HPSE2: variants seen among roughly 807,000 people sequenced by gnomAD.
HPSE2 encodes inactive heparanase-2.
In HPSE2, 38 loss-of-function variants were observed where a neutral mutation model predicts 60.5. The ratio of observed to expected loss-of-function variants is 0.63; its 90% CI spans 0.48 to 0.82. The LOEUF is 0.82. Ranked by LOEUF, HPSE2 falls within the 40% of genes least tolerant of loss-of-function variation. The pLI, the probability that HPSE2 is intolerant of heterozygous loss-of-function variation, is 0.00. For synonymous variants in HPSE2, 295 were observed against 293.2 expected (o/e 1.01, Z -0.06); for missense variants, 713 against 740.4 (o/e 0.96, Z 0.43).
chr10:98,752,544 A>G (rs1949782928), intron 3 of HPSE2, among the ~76,000 whole-genome samples: 1 of 152,200 alleles, frequency 6.6e-6, no homozygotes, highest in African/African-American at 2.4e-5. Flanking sequence ...AACTGTAAAT[A>G]ATTTGGCTGG....
At chr10:98,814,678 T>C (rs1020959461) in intron 3 of HPSE2, among the ~76,000 whole-genome samples, 1 of 152,234 alleles carries the variant, frequency 6.6e-6, no homozygotes, top group African/African-American at 2.4e-5. Context: ...ATGCTTGTTA[T>C]TTGGGCAACT....
the HPSE2 span, among the ~76,000 whole-genome samples, chr10:99,287,620 G>A: frequency 1.3e-5 from 2 of 152,110 alleles, no homozygotes; most frequent in South Asian, 4.1e-4. Flanking sequence ...CTCTTAAATG[G>A]AGATCTGAGC....
At chr10:98,833,853 G>A (rs1454397214) in intron 3 of HPSE2, among the ~76,000 whole-genome samples, 1 of 152,038 alleles carries the variant, frequency 6.6e-6, no homozygotes, top group Non-Finnish European at 1.5e-5. Flanking sequence ...TTGTAACCCT[G>A]CCAAAAATGA....
At chr10:99,133,040 G>A (rs755567515) in intron 3 of HPSE2, among the ~76,000 whole-genome samples, 4 of 152,200 alleles carry the variant, frequency 2.6e-5, no homozygotes, top group Non-Finnish European at 5.9e-5. Context: ...GACCTGGGAT[G>A]CATGAGCTTG....
chr10:98,611,301 C>T (rs1945751871), intron 9 of HPSE2, among the ~76,000 whole-genome samples: 1 of 152,108 alleles, frequency 6.6e-6, no homozygotes, highest in Admixed American at 6.5e-5. Flanking sequence ...TCTCTCTTAC[C>T]TTAGATTGGG....
intron 10 of HPSE2, 69 bp from the exon 11 acceptor site, chr10:98,482,851 T>G: frequency 6.6e-7 from 1 of 1,523,588 alleles, no homozygotes; most frequent in East Asian, 2.3e-5. Context: ...TCTAAATAAT[T>G]TATAGACTGT....
intron 3 of HPSE2, among the ~76,000 whole-genome samples, chr10:98,759,017 A>G (rs2134380145): frequency 6.6e-6 from 1 of 152,296 alleles, no homozygotes; most frequent in Non-Finnish European, 1.5e-5. Flanking sequence ...AAAAAGAATG[A>G]GCTCATGTCC....
At chr10:99,120,326 A>G (rs576898346) in intron 3 of HPSE2, among the ~76,000 whole-genome samples, 1 of 152,340 alleles carries the variant, frequency 6.6e-6, no homozygotes, top group Admixed American at 6.5e-5. Flanking sequence ...CAATAATCCT[A>G]TGAAAAAAAG....
intron 3 of HPSE2, among the ~76,000 whole-genome samples, chr10:98,862,378 T>C (rs946978228): frequency 1.3e-5 from 2 of 152,202 alleles, no homozygotes; most frequent in East Asian, 1.9e-4. Context: ...GAAAATTTCA[T>C]TTGAAGTCCT....
intron 3 of HPSE2, among the ~76,000 whole-genome samples, chr10:99,142,917 T>C (rs1845912065): frequency 6.6e-6 from 1 of 151,946 alleles, no homozygotes; most frequent in Admixed American, 6.6e-5. Context: ...ATAAAAATAT[T>C]TCATTTCCAC....
intron 3 of HPSE2, among the ~76,000 whole-genome samples, chr10:99,109,049 G>C (rs1844358202): frequency 6.6e-6 from 1 of 152,102 alleles, no homozygotes; most frequent in Admixed American, 6.6e-5. Flanking sequence ...TGTACTTATG[G>C]CAACCATTTT....
At chr10:98,897,275 C>A (rs1349211431) in intron 3 of HPSE2, among the ~76,000 whole-genome samples, 3 of 152,092 alleles carry the variant, frequency 2.0e-5, no homozygotes, top group African/African-American at 7.2e-5. Flanking sequence ...TCTCAGAAAT[C>A]TCCACTAAAG....
intron 3 of HPSE2, among the ~76,000 whole-genome samples, chr10:99,110,449 AC>A (rs569255467): frequency 1.6e-3 from 245 of 152,308 alleles, no homozygotes; most frequent in Non-Finnish European, 3.2e-3. Flanking sequence ...ACAGATTATG[AC>A]TTGAATGCAC....
intron 9 of HPSE2, among the ~76,000 whole-genome samples, chr10:98,565,012 T>C (rs1029548440): frequency 2.0e-5 from 3 of 152,138 alleles, no homozygotes; most frequent in Non-Finnish European, 4.4e-5. Flanking sequence ...GTCCACATTA[T>C]ATTACTTGGT....
intron 9 of HPSE2, among the ~76,000 whole-genome samples, chr10:98,509,130 A>G (rs1942300215): frequency 6.6e-6 from 1 of 152,114 alleles, no homozygotes; most frequent in South Asian, 2.1e-4. Flanking sequence ...TCTGGCCAAC[A>G]GGGTGAAACA....
At chr10:99,263,216 G>A in the HPSE2 span, among the ~76,000 whole-genome samples, 7 of 151,972 alleles carry the variant, frequency 4.6e-5, no homozygotes, top group South Asian at 2.1e-4. Flanking sequence ...AGGCCTAATC[G>A]CCACTCACCA....
rs73330070 is a variant in HPSE2, at chr10:98,841,250, C to T, written c.611-97194G>A. ...CCAGCCTGGGCGGCAGAGCAAGAGA[C>T]GCTGTCTCAACAACAAAAACAACTA... On this transcript the variant is annotated intron_variant, in intron 3 of 11. Transcript: ENST00000370552. Among the ~76,000 whole-genome samples, 1,257 of 152,178 alleles carry T rather than the reference C, an allele frequency of 8.3e-3. 20 individuals are homozygous for T. Among genetic ancestry groups the T allele is most frequent in the African/African-American group, 0.028 (1,176 of 41,522 alleles).
chr10:98,641,618 C>G (rs544372873), intron 7 of HPSE2, among the ~76,000 whole-genome samples: 2 of 151,898 alleles, frequency 1.3e-5, no homozygotes, highest in Admixed American at 6.6e-5. Context: ...AAAATAGAGA[C>G]GCTTTAAACC....
chr10:99,086,346 C>CTTTTT (rs66562418), intron 3 of HPSE2, among the ~76,000 whole-genome samples: 884 of 82,968 alleles, frequency 0.011, 6 homozygotes, highest in Admixed American at 0.012. Context: ...AAAGTACTTT[C>CTTTTT]TTTTTTTTTT....
Sources: gnomAD v4.1 joint callset for allele counts (sites outside exome capture counted in the v4.1 genomes callset) on GRCh38, gnomAD v4.1.1 for gene constraint, MANE v1.5 for transcripts, NCBI Gene and HGNC (gene_info 2026-07-23, HGNC 2026-07-21) for gene names.